SPOCK3: variants seen among roughly 807,000 people sequenced by gnomAD.
SPOCK3 encodes the protein testican-3.
SPOCK3 carries 30 observed loss-of-function variants against 56.6 expected under a neutral mutation model. That is an observed-to-expected ratio of 0.53 (90% confidence interval 0.40 to 0.72). SPOCK3 has a LOEUF of 0.72. Ranked by LOEUF, SPOCK3 falls within the 30% of genes least tolerant of loss-of-function variation. SPOCK3 has a pLI of 0.00. For synonymous variants in SPOCK3, 196 were observed against 183.3 expected (o/e 1.07, Z -0.56); for missense variants, 527 against 530.0 (o/e 0.99, Z 0.06).
chr4:166,979,612 C>G (rs538334854), intron 4 of SPOCK3, among the ~76,000 whole-genome samples: 1 of 152,262 alleles, frequency 6.6e-6, no homozygotes, highest in South Asian at 2.1e-4. Flanking sequence ...TTGCTTGGCT[C>G]TTGTTACACC....
intron 2 of SPOCK3, among the ~76,000 whole-genome samples, chr4:167,133,871 T>G (rs12498755): frequency 0.23 from 35,304 of 152,030 alleles, 5,196 homozygotes; most frequent in East Asian, 0.54. Context: ...AAAAATCACT[T>G]GAGAGTATTA....
intron 9 of SPOCK3, among the ~76,000 whole-genome samples, chr4:166,738,984 C>T (rs1423859248): frequency 1.3e-5 from 2 of 151,928 alleles, no homozygotes; most frequent in Admixed American, 1.3e-4. Context: ...GGTATATACC[C>T]AGTAATGGGA....
In SPOCK3 at chr4:166,972,608, T is replaced by C. The variant is rs540010265; in HGVS notation, c.350+27741A>G. Among the ~76,000 whole-genome samples, 66 of 152,248 alleles carry C rather than the reference T, an allele frequency of 4.3e-4. 1 individual carries two copies. In the South Asian group the frequency reaches 0.013, roughly 31 times the overall value. On this transcript the variant is annotated intron_variant, in intron 4 of 10. Transcript: ENST00000357545. ...AGTTCTATAATCCTATGTCAAATGCTTCATAACCTATTTAATAAATACTAA... is the reference window on the plus strand; with the variant it reads ...AGTTCTATAATCCTATGTCAAATGCCTCATAACCTATTTAATAAATACTAA...
chr4:166,740,531 CATTA>C (rs1734730812), intron 9 of SPOCK3, among the ~76,000 whole-genome samples: 5 of 7,466 alleles, frequency 6.7e-4, no homozygotes, highest in South Asian at 5.1e-3. Flanking sequence ...TTATTATTAT[CATTA>C]TTATTTCTGA....
chr4:166,883,725 G>A (rs1733908569), intron 6 of SPOCK3, among the ~76,000 whole-genome samples: 1 of 152,132 alleles, frequency 6.6e-6, no homozygotes, highest in Non-Finnish European at 1.5e-5. Flanking sequence ...TTAGTAACTC[G>A]TGACAACAGC....
intron 4 of SPOCK3, among the ~76,000 whole-genome samples, chr4:166,962,882 G>A (rs1463955808): frequency 1.3e-5 from 2 of 151,962 alleles, no homozygotes; most frequent in Non-Finnish European, 2.9e-5. Flanking sequence ...AAAATAAGAG[G>A]CATCAGCTCA....
At chr4:167,108,948 A>T (rs1490106698) in intron 2 of SPOCK3, among the ~76,000 whole-genome samples, 1 of 102,402 alleles carries the variant, frequency 9.8e-6, no homozygotes, top group African/African-American at 4.3e-5. Flanking sequence ...TATTTATATT[A>T]TAAATATTAT....
intron 4 of SPOCK3, among the ~76,000 whole-genome samples, chr4:166,929,458 C>T (rs1739487123): frequency 6.6e-6 from 1 of 152,158 alleles, no homozygotes; most frequent in South Asian, 2.1e-4. Context: ...TGTTATTAAA[C>T]TCCTTTATTT....
chr4:166,813,717 G>T (rs992298414), intron 6 of SPOCK3, among the ~76,000 whole-genome samples: 3 of 151,546 alleles, frequency 2.0e-5, no homozygotes, highest in Non-Finnish European at 4.4e-5. Flanking sequence ...TATGGAAATT[G>T]CATATTATGA....
At chr4:167,089,541 T>G (rs1403683500) in intron 2 of SPOCK3, among the ~76,000 whole-genome samples, 1 of 152,154 alleles carries the variant, frequency 6.6e-6, no homozygotes, top group East Asian at 1.9e-4. Flanking sequence ...CTTGACAGCT[T>G]CAGCCCAAAA....
chr4:167,183,183 C>G (rs1272077985), intron 2 of SPOCK3, among the ~76,000 whole-genome samples: 1 of 152,048 alleles, frequency 6.6e-6, no homozygotes, highest in Non-Finnish European at 1.5e-5. Flanking sequence ...AGCCAGAAAA[C>G]CCTAATGAAA....
At position 167,025,051 on chromosome 4, in the gene SPOCK3, G is replaced by T. The variant is rs73861922; in HGVS notation, c.236-24588C>A. 4.7e-3 allele frequency among the ~76,000 whole-genome samples: 710 copies of T among 152,078 alleles called. 4 individuals carry two copies. The highest frequency in any genetic ancestry group is 0.016 in the African/African-American group (667 of 41,516). On this transcript the variant is annotated intron_variant, in intron 3 of 10. Transcript: ENST00000357545. ...ACTGGATCATTGAGGATAAGATGCA[G>T]CAGGAGAGCTATATGGATAGTCCTC... is the stretch of plus-strand genomic sequence containing the variant.
intron 2 of SPOCK3, among the ~76,000 whole-genome samples, chr4:167,096,868 A>G (rs1014646298): frequency 1.6e-4 from 24 of 151,920 alleles, no homozygotes; most frequent in African/African-American, 5.8e-4. Flanking sequence ...GAAATCTTCA[A>G]CTATAGTAAT....
chr4:166,790,878 A>C (rs1213809128), intron 7 of SPOCK3, among the ~76,000 whole-genome samples: 3 of 152,220 alleles, frequency 2.0e-5, no homozygotes, highest in Non-Finnish European at 4.4e-5. Flanking sequence ...TTAAAAAATC[A>C]ATATGTAAGG....
chr4:167,156,596 T>A (rs1244983362), intron 2 of SPOCK3, among the ~76,000 whole-genome samples: 1 of 152,130 alleles, frequency 6.6e-6, no homozygotes. Flanking sequence ...TTATAAAGGA[T>A]GTGAAATACA....
chr4:166,836,861 T>G (rs1238089317), intron 6 of SPOCK3, among the ~76,000 whole-genome samples: 2 of 152,220 alleles, frequency 1.3e-5, no homozygotes, highest in African/African-American at 4.8e-5. Flanking sequence ...CTTTCAGAGA[T>G]AATTCTGATG....
intron 2 of SPOCK3, among the ~76,000 whole-genome samples, chr4:167,210,933 C>T (rs1034627074): frequency 6.6e-6 from 1 of 152,060 alleles, no homozygotes. Flanking sequence ...AATGATAGAT[C>T]CTGCATATTT....
At chr4:166,799,958 G>A (rs1742364613) in intron 6 of SPOCK3, among the ~76,000 whole-genome samples, 1 of 151,916 alleles carries the variant, frequency 6.6e-6, no homozygotes, top group Non-Finnish European at 1.5e-5. Flanking sequence ...GAGGTGAGTG[G>A]ATCACAAGGT....
intron 2 of SPOCK3, among the ~76,000 whole-genome samples, chr4:167,070,622 T>C (rs1381432536): frequency 1.3e-5 from 2 of 151,934 alleles, no homozygotes; most frequent in Non-Finnish European, 2.9e-5. Context: ...TTGCTAGTTC[T>C]AAAGCTAAAA....
Sources: allele counts gnomAD v4.1 joint callset (sites outside exome capture counted in the v4.1 genomes callset), GRCh38; gene constraint gnomAD v4.1.1; transcripts MANE v1.5; gene names NCBI Gene and HGNC (gene_info 2026-07-23, HGNC 2026-07-21).